The following ATF6 variants were observed in gnomAD, a reference collection of about 807,000 sequenced individuals.
ATF6 encodes the protein cyclic AMP-dependent transcription factor ATF-6 alpha.
ATF6 carries 53 observed loss-of-function variants against 83.6 expected under a neutral mutation model. The observed-to-expected ratio is 0.63, with a 90% CI of 0.51 to 0.80. ATF6 has a LOEUF of 0.80. Among genes scored for constraint, ATF6 ranks in the 30% least tolerant of loss-of-function variants. The pLI, the probability that ATF6 is intolerant of heterozygous loss-of-function variation, is 0.00. For synonymous variants in ATF6, 288 were observed against 285.8 expected (o/e 1.01, Z -0.08); for missense variants, 744 against 797.9 (o/e 0.93, Z 0.81).
At chr1:161,818,789 T>C (rs1204949705) in intron 7 of ATF6, among the ~76,000 whole-genome samples, 1 of 152,170 alleles carries the variant, frequency 6.6e-6, no homozygotes, top group Non-Finnish European at 1.5e-5. Flanking sequence ...GGTTAGGCCG[T>C]GGGAGGTCAC....
At chr1:161,870,035 T>TC (rs375125179) in intron 14 of ATF6, among the ~76,000 whole-genome samples, 8 of 151,452 alleles carry the variant, frequency 5.3e-5, no homozygotes, top group Non-Finnish European at 1.2e-4. Context: ...GATTTTTTTT[T>TC]CTTTACATTG....
chr1:161,824,106 C>T (rs146948235), intron 9 of ATF6, among the ~76,000 whole-genome samples: 46 of 152,248 alleles, frequency 3.0e-4, no homozygotes, highest in South Asian at 1.5e-3. Context: ...TCCATTTTCT[C>T]GCATTTCCTA....
intron 8 of ATF6, among the ~76,000 whole-genome samples, chr1:161,820,309 A>G (rs966703523): frequency 3.9e-5 from 6 of 152,134 alleles, no homozygotes; most frequent in Non-Finnish European, 8.8e-5. Context: ...ATAGATGCCT[A>G]CTGAATGGGG....
At chr1:161,955,570 A>G (rs149423268) in intron 15 of ATF6, among the ~76,000 whole-genome samples, 32 of 152,358 alleles carry the variant, frequency 2.1e-4, no homozygotes, top group African/African-American at 7.2e-4. Context: ...CTCGTCAGTA[A>G]TGACGAGATT....
chr1:161,804,474 A>G (rs1306738250), intron 7 of ATF6, among the ~76,000 whole-genome samples: 1 of 152,118 alleles, frequency 6.6e-6, no homozygotes, highest in Non-Finnish European at 1.5e-5. Flanking sequence ...ATGATTCAGT[A>G]AACTGAAGAA....
intron 2 of ATF6, among the ~76,000 whole-genome samples, chr1:161,779,239 C>T (rs1459194368): frequency 2.6e-5 from 4 of 152,186 alleles, no homozygotes; most frequent in Non-Finnish European, 5.9e-5. Flanking sequence ...AACTGATACT[C>T]ATATTTCATA....
intron 14 of ATF6, among the ~76,000 whole-genome samples, chr1:161,871,056 G>A (rs1024319935): frequency 2.0e-5 from 3 of 151,450 alleles, no homozygotes; most frequent in Admixed American, 1.3e-4. Context: ...TTGCAGGCTC[G>A]GCAGAGTAAG....
chr1:161,797,508 A>G (rs1282841806), intron 6 of ATF6, among the ~76,000 whole-genome samples: 1 of 152,214 alleles, frequency 6.6e-6, no homozygotes, highest in Non-Finnish European at 1.5e-5. Context: ...AGTCAGCAGC[A>G]TTTCTATACC....
intron 14 of ATF6, among the ~76,000 whole-genome samples, chr1:161,868,908 T>G (rs774660804): frequency 6.6e-6 from 1 of 152,110 alleles, no homozygotes; most frequent in Non-Finnish European, 1.5e-5. Context: ...TTGAGATACT[T>G]GCATCTTCAT....
chr1:161,768,670 C>A (rs1313951004), intron 1 of ATF6, among the ~76,000 whole-genome samples: 4 of 152,052 alleles, frequency 2.6e-5, no homozygotes, highest in Non-Finnish European at 5.9e-5. Flanking sequence ...CTCAAGTGAT[C>A]CTTCCATCTG....
intron 14 of ATF6, among the ~76,000 whole-genome samples, chr1:161,901,842 ATC>A (rs1687793476): frequency 6.6e-6 from 1 of 152,160 alleles, no homozygotes; most frequent in Non-Finnish European, 1.5e-5. Context: ...CCATTGATCT[ATC>A]TTGCAGTTTG....
rs1237219394 is a variant in ATF6 at position 161,959,284 on chromosome 1, A to G, written c.*630A>G. ...CTTAGGATTTGTGGCTCACACCTAA[A>G]CAAAGGGGGTCAGGGAGTGGGTACA... On this transcript the variant is annotated 3_prime_UTR_variant, in exon 16 of 16. Coordinates refer to ENST00000367942, the MANE Select transcript of ATF6 (RefSeq NM_007348.4). 1 of 152,246 alleles carries G rather than the reference A, an allele frequency of 6.6e-6. No homozygotes were observed. Among genetic ancestry groups the G allele is most frequent in the African/African-American group, 2.4e-5 (1 of 41,452 alleles). The allele number at this position is 152,246 out of a possible 1,614,324, so 9.4% of individuals were successfully genotyped here.
At position 161,962,189 on chromosome 1, in the gene ATF6, G is replaced by C. The variant is rs928830112; in HGVS notation, c.*3535G>C. On this transcript the variant is annotated 3_prime_UTR_variant, in exon 16 of 16. Transcript: ENST00000367942. Reference sequence around the variant, plus strand: ...GGCATTTCTTTGCCATTTCTTGCCAGTAAGAAGTTGACACGGAGGTATTTG... The same window carrying C: ...GGCATTTCTTTGCCATTTCTTGCCACTAAGAAGTTGACACGGAGGTATTTG... The C allele has an allele frequency of 2.0e-5, 3 of 152,028 alleles. No homozygotes were observed. The highest frequency in any genetic ancestry group is 4.4e-5 in the Non-Finnish European group (3 of 68,032). The allele number at this position is 152,028 out of a possible 1,614,324, so 9.4% of individuals were successfully genotyped here.
intron 14 of ATF6, among the ~76,000 whole-genome samples, chr1:161,882,808 A>G (rs1687346405): frequency 1.3e-5 from 2 of 151,806 alleles, no homozygotes. Flanking sequence ...AGTAATATTA[A>G]TAGTTACCTC....
In ATF6 at chr1:161,846,350, A is replaced by C. The variant is rs566284724; in HGVS notation, c.1188-99A>C. The C allele has an allele frequency of 9.0e-5, 120 of 1,335,212 alleles. 2 individuals are homozygous for C. In the South Asian group the frequency reaches 1.7e-3, roughly 19 times the overall value. 82.7% of individuals were successfully genotyped at this position (1,335,212 alleles called of 1,614,324 possible). On this transcript the variant is annotated intron_variant, in intron 9 of 15. Coordinates refer to ENST00000367942, the MANE Select transcript of ATF6 (RefSeq NM_007348.4). Reference sequence around the variant, plus strand: ...CCTAGCATTTTTGTTACGTGCATGGATCTGCAAAGGAATTGTGGTTTGTTT... The same window carrying C: ...CCTAGCATTTTTGTTACGTGCATGGCTCTGCAAAGGAATTGTGGTTTGTTT...
Position 161,863,214 on chromosome 1 carries a change from G to A in ATF6, c.1621G>A (p.Glu541Lys), listed in dbSNP as rs764202282. The change falls in exon 14 of 16, where the codon GAG (glutamate) becomes AAG (lysine). Residue 541 changes from glutamate to lysine, a missense_variant. Glu to Lys is a moderately conservative substitution (Grantham distance 56). Transcript: ENST00000367942. ...TSSISRNSGSELQVYYASPRS... is the reference protein window; with the variant it reads ...TSSISRNSGSKLQVYYASPRS... Reference sequence around the variant, plus strand: ...TTACTTTAGCAGGAACTCAGGGAGTGAGCTACAAGTGTATTATGCTTCACC... The same window carrying A: ...TTACTTTAGCAGGAACTCAGGGAGTAAGCTACAAGTGTATTATGCTTCACC... 4 of 1,603,812 alleles carry A rather than the reference G, an allele frequency of 2.5e-6. No individual in the cohort carries two copies. Among genetic ancestry groups the A allele is most frequent in the Admixed American group, 3.3e-5 (2 of 59,702 alleles).
chr1:161,957,628 T>A (rs935395205), intron 15 of ATF6, among the ~76,000 whole-genome samples: 1 of 152,210 alleles, frequency 6.6e-6, no homozygotes, highest in Non-Finnish European at 1.5e-5. Flanking sequence ...CTGTGTATTT[T>A]AAACTCATGA....
chr1:161,841,864 C>T (rs1374702439), intron 9 of ATF6, among the ~76,000 whole-genome samples: 4 of 152,158 alleles, frequency 2.6e-5, no homozygotes, highest in African/African-American at 9.7e-5. Context: ...GTAAGTACAG[C>T]TGCCAAGTGA....
intron 15 of ATF6, among the ~76,000 whole-genome samples, chr1:161,939,320 T>G (rs1221184705): frequency 6.6e-6 from 1 of 152,240 alleles, no homozygotes; most frequent in Non-Finnish European, 1.5e-5. Context: ...TAGGTGATCT[T>G]TTTTTATATA....
Sources: gnomAD v4.1 joint callset for allele counts (sites outside exome capture counted in the v4.1 genomes callset) on GRCh38, gnomAD v4.1.1 for gene constraint, MANE v1.5 for transcripts, NCBI Gene and HGNC (gene_info 2026-07-23, HGNC 2026-07-21) for gene names.